PITPNB: variants seen among roughly 807,000 people sequenced by gnomAD.
The protein encoded by PITPNB is phosphatidylinositol transfer protein beta.
In PITPNB, 16 loss-of-function variants were observed where a neutral mutation model predicts 45.9. The ratio of observed to expected loss-of-function variants is 0.35; its 90% CI spans 0.24 to 0.53. PITPNB has a LOEUF of 0.53. Among genes scored for constraint, PITPNB ranks in the 20% least tolerant of loss-of-function variants. The pLI, the probability that PITPNB is intolerant of heterozygous loss-of-function variation, is 0.93. For synonymous variants in PITPNB, 112 were observed against 108.9 expected (o/e 1.03, Z -0.18); for missense variants, 188 against 330.5 (o/e 0.57, Z 3.34).
In PITPNB at chr22:27,911,835, G is replaced by A. The variant is rs374284927; in HGVS notation, c.52-726C>T. Among the ~76,000 whole-genome samples the A allele has an allele frequency of 5.5e-4, 84 of 152,284 alleles. No individual in the cohort carries two copies. The South Asian group carries it at 0.016, about 29-fold the overall frequency. On this transcript the variant is annotated intron_variant, in intron 2 of 11. Transcript: ENST00000335272. Reference sequence around the variant, plus strand: ...TGTATACATATTACCATAAAAGGTAGGAAATTGCTGACAGTAGCTTCTATT... The same window carrying A: ...TGTATACATATTACCATAAAAGGTAAGAAATTGCTGACAGTAGCTTCTATT...
Position 27,915,521 on chromosome 22 carries a change from T to G in PITPNB, c.21-1174A>C, listed in dbSNP as rs74364745. 9.2e-3 allele frequency among the ~76,000 whole-genome samples: 1,401 copies of G among 152,222 alleles called. 26 individuals carry two copies. The highest frequency in any genetic ancestry group is 0.031 in the African/African-American group (1,305 of 41,524). On this transcript the variant is annotated intron_variant, in intron 1 of 11. Coordinates refer to ENST00000335272, the MANE Select transcript of PITPNB (RefSeq NM_012399.5). ...TCTCCCTACTCTCCTCAAACATCTATGTCTGAATGTTCACATTACCTCAAT... is the reference window on the plus strand; with the variant it reads ...TCTCCCTACTCTCCTCAAACATCTAGGTCTGAATGTTCACATTACCTCAAT...
intron 3 of PITPNB, among the ~76,000 whole-genome samples, chr22:27,902,666 A>C (rs1390688119): frequency 1.3e-5 from 2 of 152,252 alleles, no homozygotes; most frequent in Non-Finnish European, 1.5e-5. Context: ...CACCAAAAGC[A>C]TAAACTACAA....
chr22:27,880,961 G>A (rs1223835440), intron 7 of PITPNB, among the ~76,000 whole-genome samples: 1 of 152,152 alleles, frequency 6.6e-6, no homozygotes, highest in Non-Finnish European at 1.5e-5. Context: ...AAGCAAGCAC[G>A]ACATAAGCAA....
chr22:27,881,243 G>A (rs1218338758), intron 7 of PITPNB, among the ~76,000 whole-genome samples: 1 of 152,178 alleles, frequency 6.6e-6, no homozygotes, highest in Non-Finnish European at 1.5e-5. Context: ...CAGGCGTTTG[G>A]CAAACAGAAA....
chr22:27,866,112 G>T (rs1601383221), intron 8 of PITPNB, among the ~76,000 whole-genome samples: 1 of 152,308 alleles, frequency 6.6e-6, no homozygotes, highest in South Asian at 2.1e-4. Flanking sequence ...GTAAAGAATG[G>T]TTGATTACAA....
intron 7 of PITPNB, among the ~76,000 whole-genome samples, chr22:27,884,936 T>C (rs1935072893): frequency 6.6e-6 from 1 of 151,932 alleles, no homozygotes; most frequent in South Asian, 2.1e-4. Context: ...TCACATAGTA[T>C]GTACTATAGA....
At chr22:27,856,257 T>C (rs1934168773) in intron 10 of PITPNB, among the ~76,000 whole-genome samples, 1 of 152,206 alleles carries the variant, frequency 6.6e-6, no homozygotes, top group Non-Finnish European at 1.5e-5. Context: ...AATGTGGGTA[T>C]AAGAATGGTG....
At chr22:27,861,286 G>A (rs1324529053) in intron 8 of PITPNB, among the ~76,000 whole-genome samples, 2 of 151,960 alleles carry the variant, frequency 1.3e-5, no homozygotes, top group Non-Finnish European at 2.9e-5. Flanking sequence ...GGGCTACAGG[G>A]CAAGACTCCA....
In PITPNB at chr22:27,919,221, G is replaced by A. The variant is rs1463562369; in HGVS notation, c.-30C>T. 5 of 1,592,176 alleles carry A rather than the reference G, an allele frequency of 3.1e-6. No individual in the cohort carries two copies. Among genetic ancestry groups the A allele is most frequent in the African/African-American group, 2.7e-5 (2 of 74,548 alleles). ...CCGGAACCCCCTCACAGCTGCCGCC[G>A]ATACCACCGCCGCCGCCGCCGCTAC... On this transcript the variant is annotated 5_prime_UTR_variant, in exon 1 of 12. Coordinates refer to ENST00000335272, the MANE Select transcript of PITPNB (RefSeq NM_012399.5).
intron 7 of PITPNB, among the ~76,000 whole-genome samples, chr22:27,878,086 T>C (rs1934870715): frequency 6.6e-6 from 1 of 152,218 alleles, no homozygotes; most frequent in African/African-American, 2.4e-5. Context: ...TCTATTAAAA[T>C]AGCTCAAAGA....
rs1033881355 is a variant in PITPNB, at chr22:27,852,967, T to A, written c.*735A>T. 10 of 152,654 alleles carry A rather than the reference T, an allele frequency of 6.6e-5. No homozygotes were observed. Among genetic ancestry groups the A allele is most frequent in the Admixed American group, 3.3e-4 (5 of 15,282 alleles). 9.5% of individuals were successfully genotyped at this position (152,654 alleles called of 1,614,324 possible). ...TCCAATAAAAACCAGAAATTTTTTT[T>A]AAAAGGATTTTTCCCTCAGGGCAAA... is the stretch of plus-strand genomic sequence containing the variant. On this transcript the variant is annotated 3_prime_UTR_variant, in exon 12 of 12. Coordinates refer to ENST00000335272, the MANE Select transcript of PITPNB (RefSeq NM_012399.5).
At chr22:27,874,377 T>C (rs948496883) in intron 7 of PITPNB, among the ~76,000 whole-genome samples, 1 of 152,130 alleles carries the variant, frequency 6.6e-6, no homozygotes. Context: ...GGGATACACA[T>C]GGCTTGTCTT....
At chr22:27,916,461 C>T (rs1445672918) in intron 1 of PITPNB, among the ~76,000 whole-genome samples, 1 of 152,106 alleles carries the variant, frequency 6.6e-6, no homozygotes, top group Non-Finnish European at 1.5e-5. Context: ...TAAATAATAA[C>T]TTGAAGGGAA....
chr22:27,872,716 G>A (rs1231583610), intron 8 of PITPNB, among the ~76,000 whole-genome samples: 27 of 152,236 alleles, frequency 1.8e-4, no homozygotes, highest in Non-Finnish European at 1.0e-4. Flanking sequence ...CCTGTAACTG[G>A]CTTCAGCACA....
At position 27,853,532 on chromosome 22, in the gene PITPNB, A is replaced by G. The variant is rs1934086982; in HGVS notation, c.*170T>C. The G allele has an allele frequency of 2.8e-6, 3 of 1,087,992 alleles. No individual in the cohort carries two copies. Among genetic ancestry groups the G allele is most frequent in the Non-Finnish European group, 4.1e-6 (3 of 725,194 alleles). The allele number at this position is 1,087,992 out of a possible 1,614,324, so 67.4% of individuals were successfully genotyped here. ...ACATACATATATACACACGTGGTTG[A>G]GAACCTGTGCATGTGTGTGTATCAT... On this transcript the variant is annotated 3_prime_UTR_variant, in exon 12 of 12. Transcript: ENST00000335272.
chr22:27,873,884 G>A, intron 7 of PITPNB, 69 bp from the exon 8 acceptor site: 1 of 943,954 alleles, frequency 1.1e-6, no homozygotes, highest in Non-Finnish European at 1.7e-6. Context: ...TGCCAGAATA[G>A]CTCTTCGCAG....
chr22:27,891,710 C>T (rs1021904014), intron 7 of PITPNB, among the ~76,000 whole-genome samples: 3 of 152,130 alleles, frequency 2.0e-5, no homozygotes, highest in South Asian at 2.1e-4. Flanking sequence ...CCATGTAAAA[C>T]GTGCCTGATT....
chr22:27,857,759 G>A (rs1457876392), intron 10 of PITPNB, among the ~76,000 whole-genome samples: 1 of 152,194 alleles, frequency 6.6e-6, no homozygotes, highest in Non-Finnish European at 1.5e-5. Context: ...CGAGGAGAGA[G>A]AAGACACCCA....
In PITPNB at chr22:27,898,170, G is replaced by A. The variant is rs1309737000; in HGVS notation, c.198-278C>T. 2.0e-5 allele frequency: 7 copies of A among 356,480 alleles called. No homozygotes were observed. In the Admixed American group the frequency reaches 2.7e-4, roughly 14 times the overall value. 22.1% of individuals were successfully genotyped at this position (356,480 alleles called of 1,614,324 possible). On this transcript the variant is annotated intron_variant, in intron 3 of 11. Coordinates refer to ENST00000335272, the MANE Select transcript of PITPNB (RefSeq NM_012399.5). ...GCAGGAGGATCACTTGAGCCCAGGA[G>A]TTTGAGACTAGCCTGGACAACATGG...
Sources: allele counts gnomAD v4.1 joint callset (sites outside exome capture counted in the v4.1 genomes callset), GRCh38; gene constraint gnomAD v4.1.1; transcripts MANE v1.5; gene names NCBI Gene and HGNC (gene_info 2026-07-23, HGNC 2026-07-21).